PDE4D: variants seen among roughly 807,000 people sequenced by gnomAD.
PDE4D encodes phosphodiesterase 4D, also known as 3',5'-cyclic-AMP phosphodiesterase 4D.
Under a neutral mutation model 87.4 loss-of-function variants are expected in PDE4D, and 24 were observed. The observed-to-expected ratio is 0.27, with a 90% CI of 0.20 to 0.39. PDE4D has a LOEUF of 0.39. PDE4D is among the 10% of genes least tolerant of loss of function. The pLI, the probability that PDE4D is intolerant of heterozygous loss-of-function variation, is 1.00. For missense variants in PDE4D, 714 were observed against 1,041.0 expected (o/e 0.69, Z 4.32); for synonymous variants, 384 against 383.2 (o/e 1.00, Z -0.02).
intron 5 of PDE4D, among the ~76,000 whole-genome samples, chr5:59,051,246 G>A (rs1157245134): frequency 6.6e-6 from 1 of 152,212 alleles, no homozygotes; most frequent in Non-Finnish European, 1.5e-5. Flanking sequence ...TGTGGCACAT[G>A]TCTGTAGTTC....
At chr5:59,340,406 G>C (rs1778515897) in intron 1 of PDE4D, among the ~76,000 whole-genome samples, 2 of 151,886 alleles carry the variant, frequency 1.3e-5, no homozygotes, top group South Asian at 4.1e-4. Flanking sequence ...TTTTACTTTT[G>C]TGGGTACATA....
At chr5:59,326,609 A>G (rs1251537264) in intron 1 of PDE4D, among the ~76,000 whole-genome samples, 1 of 152,192 alleles carries the variant, frequency 6.6e-6, no homozygotes, top group Non-Finnish European at 1.5e-5. Flanking sequence ...AAAATTGTAT[A>G]TGGGGTGTGC....
chr5:59,443,419 A>G (rs1797921787), intron 1 of PDE4D, among the ~76,000 whole-genome samples: 1 of 152,176 alleles, frequency 6.6e-6, no homozygotes, highest in African/African-American at 2.4e-5. Flanking sequence ...TTTGCACTTT[A>G]TTTTTTATTT....
intron 1 of PDE4D, among the ~76,000 whole-genome samples, chr5:59,466,204 T>G (rs1801559936): frequency 6.6e-6 from 1 of 152,230 alleles, no homozygotes; most frequent in Non-Finnish European, 1.5e-5. Flanking sequence ...TCCATTTAAA[T>G]TAGCGTGTGT....
Position 59,477,322 on chromosome 5 carries a change from G to A in PDE4D, c.456-261354C>T, listed in dbSNP as rs1206883624. ...TAAAATATTAACTAACCTGCACAAT[G>A]TGCACATGTACCCTAAAACTTAGAG... On this transcript the variant is annotated intron_variant, in intron 1 of 14. Coordinates refer to ENST00000340635, the MANE Select transcript of PDE4D (RefSeq NM_001104631.2). 2.5e-4 allele frequency among the ~76,000 whole-genome samples: 35 copies of A among 137,350 alleles called. 2 individuals carry two copies. Among genetic ancestry groups the A allele is most frequent in the Non-Finnish European group, 3.0e-5 (2 of 66,144 alleles). 90.1% of individuals were successfully genotyped at this position (137,350 alleles called of 152,430 possible).
chr5:59,154,504 A>G (rs1779889103), intron 5 of PDE4D, among the ~76,000 whole-genome samples: 1 of 152,096 alleles, frequency 6.6e-6, no homozygotes, highest in Non-Finnish European at 1.5e-5. Context: ...TTCAGGGGAG[A>G]GTTGGTGAGT....
intron 2 of PDE4D, among the ~76,000 whole-genome samples, chr5:59,197,648 A>G (rs1438841174): frequency 6.6e-6 from 1 of 152,220 alleles, no homozygotes; most frequent in Non-Finnish European, 1.5e-5. Flanking sequence ...TTGTGGTTAG[A>G]AGAAAATAAA....
rs77613348 is a variant in PDE4D, at chr5:59,746,793, T to A, written c.455+146375A>T. 1.6e-4 allele frequency among the ~76,000 whole-genome samples: 24 copies of A among 152,266 alleles called. No homozygotes were observed. The East Asian group carries it at 3.5e-3, about 22-fold the overall frequency. Reference sequence around the variant, plus strand: ...ATACGGATTTACTTCAGCCCTCTGATGCAGTGGCTATTTTTCCTTCCACAT... The same window carrying A: ...ATACGGATTTACTTCAGCCCTCTGAAGCAGTGGCTATTTTTCCTTCCACAT... On this transcript the variant is annotated intron_variant, in intron 1 of 14. Transcript: ENST00000340635.
chr5:59,995,180 T>C (rs149854590), intron 2 of PDE4D, among the ~76,000 whole-genome samples: 183 of 152,234 alleles, frequency 1.2e-3, no homozygotes, highest in African/African-American at 4.2e-3. Flanking sequence ...TGGACATTTA[T>C]TTTTGCTTTC....
chr5:59,731,936 C>T (rs1446619125), intron 1 of PDE4D, among the ~76,000 whole-genome samples: 2 of 152,210 alleles, frequency 1.3e-5, no homozygotes, highest in African/African-American at 4.8e-5. Flanking sequence ...TTCATGGACA[C>T]CAGTTGTCAT....
intron 1 of PDE4D, among the ~76,000 whole-genome samples, chr5:59,730,316 A>G (rs1757201409): frequency 6.6e-6 from 1 of 152,156 alleles, no homozygotes; most frequent in Non-Finnish European, 1.5e-5. Flanking sequence ...GGTTAAAGTG[A>G]AATAACATTA....
intron 5 of PDE4D, among the ~76,000 whole-genome samples, chr5:59,150,484 T>A (rs1008479036): frequency 2.0e-5 from 3 of 152,216 alleles, no homozygotes; most frequent in Non-Finnish European, 4.4e-5. Flanking sequence ...ATTATTTCAT[T>A]AATACAGTGC....
intron 1 of PDE4D, among the ~76,000 whole-genome samples, chr5:59,846,762 C>A (rs541168231): frequency 5.3e-5 from 8 of 152,002 alleles, no homozygotes; most frequent in Admixed American, 2.6e-4. Flanking sequence ...CACATGGAGA[C>A]CCCAGTGAAT....
chr5:60,411,199 T>C (rs789389), intron 1 of PDE4D, among the ~76,000 whole-genome samples: 56,287 of 152,128 alleles, frequency 0.37, 12,061 homozygotes, highest in African/African-American at 0.57. Context: ...CTGGTATAAT[T>C]TTCATTGCTG....
At chr5:60,406,305 A>G (rs1434604107) in intron 1 of PDE4D, among the ~76,000 whole-genome samples, 1 of 152,278 alleles carries the variant, frequency 6.6e-6, no homozygotes, top group Middle Eastern at 3.4e-3. Flanking sequence ...ATGCACAATT[A>G]ATTTTTAAAA....
chr5:59,578,910 C>T (rs1470791683), intron 1 of PDE4D, among the ~76,000 whole-genome samples: 1 of 152,064 alleles, frequency 6.6e-6, no homozygotes, highest in African/African-American at 2.4e-5. Context: ...TCTTCACTAG[C>T]TACTGTGTTT....
At chr5:60,431,356 T>C (rs200487238) in intron 1 of PDE4D, among the ~76,000 whole-genome samples, 2 of 134,706 alleles carry the variant, frequency 1.5e-5, no homozygotes, top group Admixed American at 7.4e-5. Context: ...ACTTCTCAGA[T>C]GGGGCGGCCG....
chr5:60,203,290 T>C (rs1742144348), intron 1 of PDE4D, among the ~76,000 whole-genome samples: 1 of 152,176 alleles, frequency 6.6e-6, no homozygotes. Flanking sequence ...AATTAAATAC[T>C]TAACAATAGC....
At chr5:59,461,103 T>C (rs1800704250) in intron 1 of PDE4D, among the ~76,000 whole-genome samples, 1 of 152,160 alleles carries the variant, frequency 6.6e-6, no homozygotes. Context: ...AGAGTCCTCT[T>C]GGGGAGCACG....
Sources: gnomAD v4.1 joint callset for allele counts (sites outside exome capture counted in the v4.1 genomes callset) on GRCh38, gnomAD v4.1.1 for gene constraint, MANE v1.5 for transcripts, NCBI Gene and HGNC (gene_info 2026-07-23, HGNC 2026-07-21) for gene names.